Variants in DNAL1 observed in about 807,000 individuals in gnomAD.
DNAL1 encodes the protein dynein axonemal light chain 1.
In DNAL1, 17 loss-of-function variants were observed where a neutral mutation model predicts 29.4. The ratio of observed to expected loss-of-function variants is 0.58; its 90% CI spans 0.40 to 0.87. The LOEUF (loss-of-function observed/expected upper bound fraction) is 0.87, where lower values mean the gene tolerates loss of function less well. Among genes scored for constraint, DNAL1 ranks in the 40% least tolerant of loss-of-function variants. DNAL1 has a pLI of 0.00. For missense variants in DNAL1, 188 were observed against 214.1 expected (o/e 0.88, Z 0.76); for synonymous variants, 78 against 76.3 (o/e 1.02, Z -0.12).
chr14:73,698,529 T>G lies in DNAL1; in HGVS notation c.*2587T>G, dbSNP rs951154942. On this transcript the variant is annotated 3_prime_UTR_variant, in exon 8 of 8. Coordinates refer to ENST00000553645, the MANE Select transcript of DNAL1 (RefSeq NM_031427.4). ...AAATTTTTTCTATTCTGTTTTTTTTTGTTTGTTTGTTTGTTTGTTTTAAAC... is the reference window on the plus strand; with the variant it reads ...AAATTTTTTCTATTCTGTTTTTTTTGGTTTGTTTGTTTGTTTGTTTTAAAC... 6.6e-6 allele frequency: 1 copy of G among 151,850 alleles called. No individual in the cohort carries two copies. The highest frequency in any genetic ancestry group is 2.1e-4 in the South Asian group (1 of 4,818). 9.4% of individuals were successfully genotyped at this position (151,850 alleles called of 1,614,324 possible). A position where few individuals can be genotyped will look rare whatever the true frequency, so the allele number is the denominator to read the frequency against.
At chr14:73,654,774 A>T in intron 1 of DNAL1, 73 bp from the exon 2 acceptor site, 1 of 1,334,892 alleles carries the variant, frequency 7.5e-7, no homozygotes, top group Non-Finnish European at 1.0e-6. Context: ...AAATACATAC[A>T]TACATACATA....
At chr14:73,693,723 C>CA (rs1057437136) in intron 7 of DNAL1, among the ~76,000 whole-genome samples, 2 of 151,732 alleles carry the variant, frequency 1.3e-5, no homozygotes, top group African/African-American at 2.4e-5. Context: ...AAAAGACAAA[C>CA]AAAAAACAAG....
In DNAL1 at chr14:73,666,356, A is replaced by G. The variant is rs1427040617; in HGVS notation, c.208+4314A>G. Among the ~76,000 whole-genome samples, 3 of 152,206 alleles carry G rather than the reference A, an allele frequency of 2.0e-5. No individual in the cohort carries two copies. In the East Asian group the frequency reaches 5.8e-4, roughly 29 times the overall value. ...AACCATGACTAAAAAGCTGTATAATATGAATAATAATCTTAAAGATTAGAA... is the reference window on the plus strand; with the variant it reads ...AACCATGACTAAAAAGCTGTATAATGTGAATAATAATCTTAAAGATTAGAA... On this transcript the variant is annotated intron_variant, in intron 4 of 7. Coordinates refer to ENST00000553645, the MANE Select transcript of DNAL1 (RefSeq NM_031427.4).
At chr14:73,671,716 C>G in intron 5 of DNAL1, 119 bp downstream of exon 5, 2 of 1,151,916 alleles carry the variant, frequency 1.7e-6, no homozygotes, top group South Asian at 4.4e-5. Flanking sequence ...TCTTTTAAGG[C>G]TTTTGTGACA....
At chr14:73,690,050 AAG>A (rs72380731) in intron 7 of DNAL1, among the ~76,000 whole-genome samples, 23,580 of 131,102 alleles carry the variant, frequency 0.18, 2,763 homozygotes, top group African/African-American at 0.31. Context: ...AAAAAAAAAA[AAG>A]AAAAGAAAAG....
chr14:73,680,417 G>T (rs560956321), intron 5 of DNAL1, among the ~76,000 whole-genome samples: 1 of 152,080 alleles, frequency 6.6e-6, no homozygotes, highest in Non-Finnish European at 1.5e-5. Flanking sequence ...ATGAGAAGAC[G>T]TATTCATATT....
intron 5 of DNAL1, chr14:73,673,012 C>A (rs890084816): frequency 2.0e-5 from 3 of 152,026 alleles, no homozygotes; most frequent in African/African-American, 7.2e-5. Context: ...CCTGCCTCGG[C>A]CTCCCAAAGT....
In DNAL1 at chr14:73,699,743, CTCTGTT is replaced by C. The variant is rs1260604677; in HGVS notation, c.*3805_*3810del. On this transcript the variant is annotated 3_prime_UTR_variant, in exon 8 of 8. Transcript: ENST00000553645. The stretch of plus-strand genomic sequence containing the variant: ...TAGGACAGTGATTATTAACCTACCT[CTCTGTT>C]TCTATCAACAGAAGCCAACTTTATG... The C allele has an allele frequency of 1.3e-5, 2 of 149,768 alleles. No homozygotes were observed. The highest frequency in any genetic ancestry group is 5.1e-5 in the African/African-American group (2 of 39,146). The allele number at this position is 149,768 out of a possible 1,614,324, so 9.3% of individuals were successfully genotyped here. A position where few individuals can be genotyped will look rare whatever the true frequency, so the allele number is the denominator to read the frequency against.
chr14:73,677,884 T>TATATATTTGTGTGTGTG (rs1555402397), intron 5 of DNAL1, among the ~76,000 whole-genome samples: 2 of 96,130 alleles, frequency 2.1e-5, no homozygotes, highest in Non-Finnish European at 4.4e-5. Flanking sequence ...ATATATATAT[T>TATATATTTGTGTGTGTG]TGTGTGTGTG....
At chr14:73,687,810 T>C (rs1378053272) in intron 6 of DNAL1, among the ~76,000 whole-genome samples, 1 of 152,090 alleles carries the variant, frequency 6.6e-6, no homozygotes, top group Non-Finnish European at 1.5e-5. Flanking sequence ...GAGGCGGAGC[T>C]TGCAGTGAGC....
At chr14:73,671,618 A>T (rs771602794) in intron 5 of DNAL1, 21 bp downstream of exon 5, 1 of 1,414,240 alleles carries the variant, frequency 7.1e-7, no homozygotes, top group African/African-American at 1.5e-5. Flanking sequence ...ATTTATTATT[A>T]TTTTATTTAT....
chr14:73,671,499 A>G (rs1235369646), intron 4 of DNAL1, 43 bp from the exon 5 acceptor site: 4 of 1,397,816 alleles, frequency 2.9e-6, no homozygotes, highest in Admixed American at 3.0e-5. Context: ...CAATTGTGTA[A>G]TATGATTCTA....
intron 1 of DNAL1, among the ~76,000 whole-genome samples, chr14:73,648,244 G>A (rs1416974034): frequency 1.3e-5 from 2 of 150,018 alleles, no homozygotes; most frequent in Non-Finnish European, 3.0e-5. Context: ...TCCCAAAATG[G>A]TGGGATTGCA....
At chr14:73,675,166 C>T (rs1447848180) in intron 5 of DNAL1, among the ~76,000 whole-genome samples, 1 of 151,160 alleles carries the variant, frequency 6.6e-6, no homozygotes, top group Non-Finnish European at 1.5e-5. Context: ...CTCATTATTA[C>T]CTGAAATTCT....
chr14:73,645,926 T>C (rs1392848670), intron 1 of DNAL1, among the ~76,000 whole-genome samples: 1 of 152,216 alleles, frequency 6.6e-6, no homozygotes, highest in East Asian at 1.9e-4. Flanking sequence ...TGGATAGAGA[T>C]GTTTATGAAG....
intron 4 of DNAL1, among the ~76,000 whole-genome samples, chr14:73,669,235 A>C (rs1236719924): frequency 6.6e-6 from 1 of 151,842 alleles, no homozygotes; most frequent in African/African-American, 2.4e-5. Context: ...CTCCTGCCTC[A>C]GCCTCCCTGA....
At chr14:73,658,980 A>T in intron 3 of DNAL1, 24 bp downstream of exon 3, 1 of 1,390,452 alleles carries the variant, frequency 7.2e-7, no homozygotes, top group Non-Finnish European at 9.5e-7. Flanking sequence ...TCATCCTTCC[A>T]GTATTGCTGT....
In DNAL1 at chr14:73,696,039, A is replaced by C. The variant is rs992730137; in HGVS notation, c.*97A>C. ...CTATTTTAAAGATTCTGTATGGGACAAAAGTTTCTTAAGATAAAACAGATC... is the reference window on the plus strand; with the variant it reads ...CTATTTTAAAGATTCTGTATGGGACCAAAGTTTCTTAAGATAAAACAGATC... On this transcript the variant is annotated 3_prime_UTR_variant, in exon 8 of 8. Coordinates refer to ENST00000553645, the MANE Select transcript of DNAL1 (RefSeq NM_031427.4). The C allele has an allele frequency of 1.3e-5, 15 of 1,165,774 alleles. No homozygotes were observed. The highest frequency in any genetic ancestry group is 1.8e-5 in the Non-Finnish European group (15 of 829,440). 72.2% of individuals were successfully genotyped at this position (1,165,774 alleles called of 1,614,324 possible).
rs767561779 is a variant in DNAL1 at position 73,659,046 on chromosome 14, G to T, written c.152+90G>T. 17 of 936,598 alleles carry T rather than the reference G, an allele frequency of 1.8e-5. No individual in the cohort carries two copies. The Admixed American group carries it at 3.4e-4, about 19-fold the overall frequency. The allele number at this position is 936,598 out of a possible 1,614,324, so 58.0% of individuals were successfully genotyped here. A position where few individuals can be genotyped will look rare whatever the true frequency, so the allele number is the denominator to read the frequency against. On this transcript the variant is annotated intron_variant, in intron 3 of 7. Transcript: ENST00000553645. ...AAGTAGGAAAATATGTTTGTTTTCT[G>T]TGGTCTTCATTTATTTTTTGTTTGC...
Sources: gnomAD v4.1 joint callset for allele counts (sites outside exome capture counted in the v4.1 genomes callset) on GRCh38, gnomAD v4.1.1 for gene constraint, MANE v1.5 for transcripts, NCBI Gene and HGNC (gene_info 2026-07-23, HGNC 2026-07-21) for gene names.